Variants in NRG3 observed in about 807,000 individuals in gnomAD.
The protein encoded by NRG3 is neuregulin 3, also known as pro-neuregulin-3, membrane-bound isoform.
A neutral mutation model predicts 66.9 loss-of-function variants in NRG3; 31 were observed. That is an observed-to-expected ratio of 0.46 (90% CI 0.35 to 0.63). The LOEUF (loss-of-function observed/expected upper bound fraction) is 0.63, where lower values mean the gene tolerates loss of function less well. Ranked by LOEUF, NRG3 falls within the 20% of genes least tolerant of loss-of-function variation. The pLI is 0.00. For missense variants in NRG3, 910 were observed against 878.9 expected (o/e 1.04, Z -0.45); for synonymous variants, 393 against 359.4 (o/e 1.09, Z -1.06).
At chr10:81,971,169 T>C (rs2059919794) in intron 1 of NRG3, among the ~76,000 whole-genome samples, 1 of 152,152 alleles carries the variant, frequency 6.6e-6, no homozygotes, top group Non-Finnish European at 1.5e-5. Flanking sequence ...CAACATTAAG[T>C]ATTGTGCCTA....
intron 2 of NRG3, among the ~76,000 whole-genome samples, chr10:82,405,733 G>A (rs1340598026): frequency 6.6e-6 from 1 of 152,170 alleles, no homozygotes; most frequent in African/African-American, 2.4e-5. Context: ...CTCCCAAAGT[G>A]CTGGGATTAC....
chr10:82,913,749 G>A (rs1278484661), intron 4 of NRG3, among the ~76,000 whole-genome samples: 4 of 152,076 alleles, frequency 2.6e-5, no homozygotes, highest in African/African-American at 9.7e-5. Context: ...ATTTTGTTTT[G>A]ATTTTGTGCA....
chr10:82,022,959 A>T lies in NRG3; in HGVS notation c.823+146796A>T, dbSNP rs142821443. 4.5e-3 allele frequency among the ~76,000 whole-genome samples: 686 copies of T among 151,312 alleles called. 17 individuals carry two copies. Among genetic ancestry groups the T allele is most frequent in the Admixed American group, 0.038 (574 of 15,114 alleles). On this transcript the variant is annotated intron_variant, in intron 1 of 8. Transcript: ENST00000372141. Reference sequence around the variant, plus strand: ...TATATATATTTATGGGGTACATGTGATATTTTGAAAGATACAATGTGTAAT... The same window carrying T: ...TATATATATTTATGGGGTACATGTGTTATTTTGAAAGATACAATGTGTAAT...
chr10:82,152,135 G>A (rs1043787806), intron 1 of NRG3, among the ~76,000 whole-genome samples: 2 of 152,110 alleles, frequency 1.3e-5, no homozygotes, highest in East Asian at 1.9e-4. Context: ...CCATTGTACC[G>A]TGAAAGCAGC....
At chr10:82,926,076 C>G (rs1034525551) in intron 4 of NRG3, among the ~76,000 whole-genome samples, 6 of 152,192 alleles carry the variant, frequency 3.9e-5, no homozygotes, top group African/African-American at 1.4e-4. Context: ...TCCATGGGTT[C>G]TGCATCCATG....
rs1255223091 is a variant in NRG3 at position 81,875,610 on chromosome 10, G to T, written c.270G>T (p.Val90=). ...GCCTCATGCTTCTCAAATGGATCGT[G>T]GTGGGCTCCGTCAAGGAGTACGTGC... The part of the protein sequence containing the change: ...GLSLMLLKWI[V]VGSVKEYVPT... Residue 90 remains valine, a synonymous_variant, in exon 1 of 9, where the codon GTG becomes GTT. Coordinates refer to ENST00000372141, the MANE Select transcript of NRG3 (RefSeq NM_001010848.4). This position sits in a 1 kb window ranked among gnomAD's most constrained non-coding sequence, Gnocchi z 5.3. The T allele has an allele frequency of 7.4e-6, 12 of 1,613,506 alleles. No individual in the cohort carries two copies. The highest frequency in any genetic ancestry group is 1.0e-5 in the Non-Finnish European group (12 of 1,179,928).
At chr10:82,426,686 G>T (rs1331131570) in intron 2 of NRG3, among the ~76,000 whole-genome samples, 1 of 150,466 alleles carries the variant, frequency 6.6e-6, no homozygotes. Flanking sequence ...CAGCTGGAGA[G>T]CAGTGGATGT....
intron 2 of NRG3, among the ~76,000 whole-genome samples, chr10:82,630,722 A>G (rs1340805320): frequency 1.3e-5 from 2 of 152,106 alleles, no homozygotes; most frequent in African/African-American, 4.8e-5. Flanking sequence ...CCAATTTTAT[A>G]TTTAATTTTC....
rs1034896764 is a variant in NRG3, at chr10:82,294,834, T to G, written c.824-63905T>G. Among the ~76,000 whole-genome samples the G allele has an allele frequency of 3.9e-5, 6 of 152,326 alleles. No homozygotes were observed. In the East Asian group the frequency reaches 1.2e-3, roughly 29 times the overall value. On this transcript the variant is annotated intron_variant, in intron 1 of 8. Coordinates refer to ENST00000372141, the MANE Select transcript of NRG3 (RefSeq NM_001010848.4). ...TTGAGGAATGCAAATATTTGAGATC[T>G]GCAGCTACAGACAAATCAATAGCCT... is the stretch of plus-strand genomic sequence containing the variant.
At chr10:81,948,736 C>T (rs1425957123) in intron 1 of NRG3, among the ~76,000 whole-genome samples, 3 of 152,162 alleles carry the variant, frequency 2.0e-5, no homozygotes, top group Non-Finnish European at 2.9e-5. Flanking sequence ...TAGAGGGCAA[C>T]CTATAGGCCC....
chr10:82,692,246 C>T (rs1024069550), intron 2 of NRG3, among the ~76,000 whole-genome samples: 26 of 104,416 alleles, frequency 2.5e-4, no homozygotes, highest in Non-Finnish European at 5.0e-4. Context: ...AGTGAGATTC[C>T]ATCTCAAAAA....
chr10:81,910,856 C>T (rs1845068942), intron 1 of NRG3, among the ~76,000 whole-genome samples: 1 of 152,054 alleles, frequency 6.6e-6, no homozygotes. Flanking sequence ...AAGAATCTTG[C>T]AATGTTGCCC....
At chr10:82,341,362 T>C (rs1171861254) in intron 1 of NRG3, among the ~76,000 whole-genome samples, 1 of 152,112 alleles carries the variant, frequency 6.6e-6, no homozygotes, top group Admixed American at 6.5e-5. Flanking sequence ...TGGGCTTTTT[T>C]GACTTTTCCT....
intron 1 of NRG3, among the ~76,000 whole-genome samples, chr10:82,308,136 G>T (rs1309295569): frequency 1.3e-5 from 2 of 151,940 alleles, no homozygotes; most frequent in Non-Finnish European, 2.9e-5. Context: ...CTCCGAGTTG[G>T]CCCCTTATCT....
At chr10:82,928,849 A>G (rs1847274088) in intron 4 of NRG3, among the ~76,000 whole-genome samples, 1 of 151,772 alleles carries the variant, frequency 6.6e-6, no homozygotes, top group Non-Finnish European at 1.5e-5. Context: ...CTGTGCTCAC[A>G]CCCCCTCACA....
intron 1 of NRG3, among the ~76,000 whole-genome samples, chr10:82,202,372 G>A (rs2074880142): frequency 6.6e-6 from 1 of 152,200 alleles, no homozygotes; most frequent in Non-Finnish European, 1.5e-5. Flanking sequence ...GGTAAATGAA[G>A]GAGCATGTGA....
At chr10:82,532,869 C>T (rs918512309) in intron 2 of NRG3, among the ~76,000 whole-genome samples, 3 of 151,418 alleles carry the variant, frequency 2.0e-5, no homozygotes, top group Admixed American at 2.0e-4. Context: ...TGATGCCGCA[C>T]CACTTTGCAT....
intron 3 of NRG3, among the ~76,000 whole-genome samples, chr10:82,761,219 A>G (rs1002576698): frequency 1.3e-5 from 2 of 152,092 alleles, no homozygotes; most frequent in Non-Finnish European, 2.9e-5. Context: ...ACTGACTTCT[A>G]TTTTATCAAG....
chr10:82,170,242 G>T (rs1293951111), intron 1 of NRG3, among the ~76,000 whole-genome samples: 2 of 151,824 alleles, frequency 1.3e-5, no homozygotes, highest in African/African-American at 4.8e-5. Context: ...CTTTTCTCTT[G>T]TGCAGAAAAA....
Sources: gnomAD v4.1 joint callset for allele counts (sites outside exome capture counted in the v4.1 genomes callset) on GRCh38, gnomAD v4.1.1 for gene constraint, Gnocchi (gnomAD v3.1) non-coding constraint, MANE v1.5 for transcripts, NCBI Gene and HGNC (gene_info 2026-07-23, HGNC 2026-07-21) for gene names.